Variants in CCDC158 observed in about 807,000 individuals in gnomAD.
CCDC158 encodes coiled-coil domain-containing protein 158.
In CCDC158, 116 loss-of-function variants were observed where a neutral mutation model predicts 138.6. That is an observed-to-expected ratio of 0.84 (90% confidence interval 0.72 to 0.98). The LOEUF is 0.98. Ranked by LOEUF, CCDC158 falls within the 50% of genes least tolerant of loss-of-function variation. The pLI is 0.00. For missense variants in CCDC158, 1,265 were observed against 1,306.1 expected (o/e 0.97, Z 0.48); for synonymous variants, 436 against 442.4 (o/e 0.99, Z 0.18).
rs1721259808 is a variant in CCDC158 at position 76,334,181 on chromosome 4, A to G, written c.2665-14T>C. On this transcript the variant is annotated splice_polypyrimidine_tract_variant and intron_variant, in intron 18 of 24. Transcript: ENST00000682701. The stretch of plus-strand genomic sequence containing the variant: ...TTTTGTAGAGTGCTGAGTTAAAACA[A>G]TTTACAAAGACACTTATTTTTTCAG... 2 of 1,522,386 alleles carry G rather than the reference A, an allele frequency of 1.3e-6. No homozygotes were observed. The highest frequency in any genetic ancestry group is 1.4e-5 in the African/African-American group (1 of 72,326). The allele number at this position is 1,522,386 out of a possible 1,614,324, so 94.3% of individuals were successfully genotyped here.
chr4:76,351,040 A>G lies in CCDC158; in HGVS notation c.2620T>C (p.Ser874Pro), dbSNP rs1553890516. Residue 874 changes from serine (S) to proline (P), a missense_variant, in exon 18 of 25, where the codon TCT (serine) becomes CCT (proline). Ser to Pro is a moderately conservative substitution (Grantham distance 74, BLOSUM62 -1). Coordinates refer to ENST00000682701, the MANE Select transcript of CCDC158 (RefSeq NM_001394954.1). ...LQPASVTRSHSNVPSSQSTAS... is the reference protein window; with the variant it reads ...LQPASVTRSHPNVPSSQSTAS... Reference sequence around the variant, plus strand: ...GTAGACTGCGAAGATGGTACATTAGAATGAGAACGAGTAACAGATGCTGGC... The same window carrying G: ...GTAGACTGCGAAGATGGTACATTAGGATGAGAACGAGTAACAGATGCTGGC... The G allele has an allele frequency of 1.2e-6, 2 of 1,614,030 alleles. No individual in the cohort carries two copies. The highest frequency in any genetic ancestry group is 4.5e-5 in the East Asian group (2 of 44,870).
chr4:76,337,629 G>A (rs1012175842), intron 18 of CCDC158, among the ~76,000 whole-genome samples: 1 of 152,004 alleles, frequency 6.6e-6, no homozygotes, highest in Non-Finnish European at 1.5e-5. Context: ...CTACTTAGGA[G>A]GCTGAAGCAG....
At chr4:76,370,231 G>A (rs73828790) in intron 10 of CCDC158, among the ~76,000 whole-genome samples, 224 of 152,256 alleles carry the variant, frequency 1.5e-3, no homozygotes, top group African/African-American at 5.0e-3. Flanking sequence ...AACTGGAAGT[G>A]GTTTTTCATT....
intron 5 of CCDC158, 70 bp from the exon 6 acceptor site, chr4:76,384,485 A>C: frequency 1.6e-5 from 24 of 1,539,516 alleles, no homozygotes; most frequent in Non-Finnish European, 2.1e-5. Context: ...TTTTACTACA[A>C]ACAGTAAAAC....
rs767092600 is a variant in CCDC158 at position 76,334,069 on chromosome 4, C to T, written c.2763G>A (p.Val921=). The T allele has an allele frequency of 2.5e-6, 4 of 1,613,952 alleles. No homozygotes were observed. The South Asian group carries it at 4.4e-5, about 18-fold the overall frequency. ...LRSVINEEPA[V]SLSKTEEDGR... is the part of the protein sequence containing the mutation. ...CATCTTCCTCTGTCTTGCTCAGAGA[C>T]ACAGCTGGCTCCTCATTGATCACGC... is the stretch of plus-strand genomic sequence containing the variant. Residue 921 remains valine (V), a synonymous_variant, in exon 19 of 25, where the codon GTG becomes GTA. Coordinates refer to ENST00000682701, the MANE Select transcript of CCDC158 (RefSeq NM_001394954.1).
chr4:76,342,144 A>G (rs1722110906), intron 18 of CCDC158, among the ~76,000 whole-genome samples: 1 of 152,154 alleles, frequency 6.6e-6, no homozygotes, highest in Non-Finnish European at 1.5e-5. Context: ...CATGGACTCA[A>G]GCAATCCTTC....
intron 2 of CCDC158, 115 bp downstream of exon 2, chr4:76,411,975 A>G (rs1318726367): frequency 6.6e-6 from 1 of 152,152 alleles, no homozygotes; most frequent in Non-Finnish European, 1.5e-5. Context: ...GCATCCATCA[A>G]ATTCAAGGCT....
At chr4:76,410,042 C>T (rs1342578355) in intron 2 of CCDC158, among the ~76,000 whole-genome samples, 4 of 152,090 alleles carry the variant, frequency 2.6e-5, no homozygotes, top group Admixed American at 2.6e-4. Context: ...CTGACTCCTG[C>T]TCCTTGGAGT....
intron 21 of CCDC158, among the ~76,000 whole-genome samples, chr4:76,331,005 G>C (rs1008260877): frequency 6.6e-6 from 1 of 152,114 alleles, no homozygotes; most frequent in Non-Finnish European, 1.5e-5. Flanking sequence ...ATTATGCTTG[G>C]TGCTGAAGAT....
At chr4:76,365,133 T>C (rs921162689) in intron 12 of CCDC158, among the ~76,000 whole-genome samples, 2 of 152,216 alleles carry the variant, frequency 1.3e-5, no homozygotes, top group Non-Finnish European at 2.9e-5. Flanking sequence ...TATTATTTAT[T>C]TGTTTTTAAG....
chr4:76,343,473 AAC>A (rs775036303), intron 18 of CCDC158, among the ~76,000 whole-genome samples: 1 of 152,240 alleles, frequency 6.6e-6, no homozygotes, highest in Non-Finnish European at 1.5e-5. Flanking sequence ...TAATTCAGGT[AAC>A]ACAAAAAATT....
intron 3 of CCDC158, among the ~76,000 whole-genome samples, chr4:76,399,569 G>C (rs13123448): frequency 0.59 from 90,055 of 152,046 alleles, 27,851 homozygotes; most frequent in East Asian, 0.8. Flanking sequence ...CTGGAATACT[G>C]GGAGCAAAAG....
chr4:76,314,288 A>G (rs766707860), intron 24 of CCDC158, among the ~76,000 whole-genome samples: 61 of 152,204 alleles, frequency 4.0e-4, no homozygotes, highest in South Asian at 6.2e-4. Context: ...AACATATGTC[A>G]TGGTGTGAGT....
chr4:76,411,258 C>T (rs576250130), intron 2 of CCDC158, among the ~76,000 whole-genome samples: 2 of 152,110 alleles, frequency 1.3e-5, no homozygotes, highest in Admixed American at 6.5e-5. Flanking sequence ...AAAAATTAGC[C>T]GGGCATGGTG....
chr4:76,335,517 C>T (rs1721398536), intron 18 of CCDC158, among the ~76,000 whole-genome samples: 1 of 152,172 alleles, frequency 6.6e-6, no homozygotes, highest in Non-Finnish European at 1.5e-5. Context: ...TTGTTCTCCC[C>T]TGTCATTGTG....
In CCDC158 at chr4:76,396,369, G is replaced by A. The variant is rs761629412; in HGVS notation, c.188C>T (p.Ser63Phe). Reference sequence around the variant, plus strand: ...AGGAGATGGGATGATTTTTCTAGGAGAATCAAGTTCCACTTCATATTTAGG... The same window carrying A: ...AGGAGATGGGATGATTTTTCTAGGAAAATCAAGTTCCACTTCATATTTAGG... ...FFPKYEVELD[S>F]PRKIIPSPGK... The change falls in exon 4 of 25, where the codon TCT (serine) becomes TTT (phenylalanine). Residue 63 changes from serine to phenylalanine, a missense_variant. Physicochemically the swap from Ser to Phe is radical, Grantham distance 155. Transcript: ENST00000682701. 3.9e-5 allele frequency: 63 copies of A among 1,613,416 alleles called. No individual in the cohort carries two copies. The highest frequency in any genetic ancestry group is 5.1e-5 in the Non-Finnish European group (60 of 1,179,556).
intron 18 of CCDC158, among the ~76,000 whole-genome samples, chr4:76,348,268 C>A (rs142088090): frequency 8.3e-4 from 104 of 125,862 alleles, no homozygotes; most frequent in South Asian, 1.4e-3. Context: ...ACTAAATATA[C>A]AAAAAAAAAA....
chr4:76,359,407 CAGA>C (rs528429042), intron 13 of CCDC158, among the ~76,000 whole-genome samples: 90 of 152,248 alleles, frequency 5.9e-4, no homozygotes, highest in East Asian at 2.7e-3. Context: ...TTGGAGAGAT[CAGA>C]AGAAGACAGG....
intron 24 of CCDC158, among the ~76,000 whole-genome samples, chr4:76,321,902 A>G (rs1329027223): frequency 6.6e-6 from 1 of 151,438 alleles, no homozygotes; most frequent in African/African-American, 2.4e-5. Flanking sequence ...GAAGTAACTC[A>G]GGAAAAGAAA....
Sources: allele counts gnomAD v4.1 joint callset (sites outside exome capture counted in the v4.1 genomes callset), GRCh38; gene constraint gnomAD v4.1.1; transcripts MANE v1.5; gene names NCBI Gene and HGNC (gene_info 2026-07-23, HGNC 2026-07-21).